SLC33A1: variants seen among roughly 807,000 people sequenced by gnomAD.
SLC33A1 encodes the protein acetyl-coenzyme A transporter 1.
A neutral mutation model predicts 50.0 loss-of-function variants in SLC33A1; 20 were observed. The observed-to-expected ratio is 0.40, with a 90% CI of 0.28 to 0.58. The LOEUF (loss-of-function observed/expected upper bound fraction) is 0.58, where lower values mean the gene tolerates loss of function less well. Among genes scored for constraint, SLC33A1 ranks in the 20% least tolerant of loss-of-function variants. The pLI is 0.44. For missense variants in SLC33A1, 476 were observed against 657.0 expected, an observed-to-expected ratio of 0.72 and a Z score of 3.01; for synonymous variants, 265 against 251.8, an observed-to-expected ratio of 1.05 and a Z score of -0.50.
intron 1 of SLC33A1, among the ~76,000 whole-genome samples, chr3:155,848,854 T>A (rs6806346): frequency 2.1e-4 from 32 of 152,292 alleles, no homozygotes; most frequent in Middle Eastern, 3.4e-3. Context: ...ATATATTCCA[T>A]CTCCATTTAT....
At chr3:155,839,300 CAAA>C (rs550171374) in intron 2 of SLC33A1, among the ~76,000 whole-genome samples, 84 of 25,716 alleles carry the variant, frequency 3.3e-3, no homozygotes, top group African/African-American at 4.9e-3. Context: ...AACTCCGCCT[CAAA>C]AAAAAAAAAA....
At chr3:155,830,486 G>T (rs1231510091) in intron 4 of SLC33A1, among the ~76,000 whole-genome samples, 1 of 151,904 alleles carries the variant, frequency 6.6e-6, no homozygotes, top group Non-Finnish European at 1.5e-5. Flanking sequence ...TGGAAAATGG[G>T]GAATAAATAA....
chr3:155,832,705 G>A (rs1442116130), intron 4 of SLC33A1, among the ~76,000 whole-genome samples: 6 of 106,028 alleles, frequency 5.7e-5, no homozygotes, highest in African/African-American at 8.0e-5. Context: ...CAGTGGGCAA[G>A]CAAGCCAGAC....
At chr3:155,852,401 C>T (rs2108014019) in intron 1 of SLC33A1, among the ~76,000 whole-genome samples, 1 of 152,332 alleles carries the variant, frequency 6.6e-6, no homozygotes, top group South Asian at 2.1e-4. Flanking sequence ...AACTTACCCT[C>T]CATTACTTAC....
At position 155,853,967 on chromosome 3, in the gene SLC33A1, T is replaced by C; in HGVS notation, c.31A>G (p.Ser11Gly). 6.5e-7 allele frequency: 1 copy of C among 1,544,096 alleles called. No individual in the cohort carries two copies. The highest frequency in any genetic ancestry group is 8.7e-7 in the Non-Finnish European group (1 of 1,150,832). Residue 11 changes from serine (S) to glycine (G), a missense_variant, in exon 1 of 6, where the codon AGC becomes GGC. Transcript: ENST00000643144. The stretch of plus-strand genomic sequence containing the variant: ...AAATTCCCTGGCCGCCGTTGCCGGC[T>C]GCTGTCCTTGTGGGAGATGGTGGGT... MSPTISHKDS[S>G]RQRRPGNFSH...
chr3:155,850,407 G>C (rs1577478915), intron 1 of SLC33A1, among the ~76,000 whole-genome samples: 1 of 152,100 alleles, frequency 6.6e-6, no homozygotes, highest in East Asian at 1.9e-4. Context: ...AGATGAGAAA[G>C]CCTCAGTGAA....
chr3:155,841,358 C>T (rs1320086245), intron 2 of SLC33A1, among the ~76,000 whole-genome samples: 1 of 152,042 alleles, frequency 6.6e-6, no homozygotes, highest in Non-Finnish European at 1.5e-5. Context: ...GGCCTTCTTT[C>T]TATCATTAAG....
rs11304200 is a variant in SLC33A1, at chr3:155,823,594, CG to C, written c.*4615del. The C allele has an allele frequency of 0.093, 14,200 of 152,288 alleles. 1,969 individuals are homozygous for C. Among genetic ancestry groups the C allele is most frequent in the African/African-American group, 0.31 (12,691 of 41,342 alleles). 9.4% of individuals were successfully genotyped at this position (152,288 alleles called of 1,614,324 possible). ...CTGAGGCAGGAGAATCGCTTGAACCCGGGAGGCGGAGGTTGCAGTGAGCAGC... is the reference window on the plus strand; with the variant it reads ...CTGAGGCAGGAGAATCGCTTGAACCCGGAGGCGGAGGTTGCAGTGAGCAGC... On this transcript the variant is annotated 3_prime_UTR_variant, in exon 6 of 6. Transcript: ENST00000643144.
At chr3:155,829,926 T>A (rs1359812766) in intron 4 of SLC33A1, 23 bp from the exon 5 acceptor site, 2 of 1,412,944 alleles carry the variant, frequency 1.4e-6, no homozygotes, top group South Asian at 2.3e-5. Context: ...GTAAAACATC[T>A]TTAGTATGAT....
At chr3:155,829,998 T>C in intron 4 of SLC33A1, 95 bp from the exon 5 acceptor site, 1 of 812,622 alleles carries the variant, frequency 1.2e-6, no homozygotes, top group South Asian at 1.5e-5. Context: ...CTGAAATTAA[T>C]TTTCATGGTA....
rs1043928517 is a variant in SLC33A1, at chr3:155,822,957, C to T, written c.*5253G>A. 6.6e-6 allele frequency: 1 copy of T among 152,152 alleles called. No homozygotes were observed. The highest frequency in any genetic ancestry group is 1.5e-5 in the Non-Finnish European group (1 of 68,032). 9.4% of individuals were successfully genotyped at this position (152,152 alleles called of 1,614,324 possible). A position where few individuals can be genotyped will look rare whatever the true frequency, so the allele number is the denominator to read the frequency against. The stretch of plus-strand genomic sequence containing the variant: ...TCAAGCAATACTCCTACCTTGGCAT[C>T]CCAAAGTGTTGGGATTAAAGGTATG... On this transcript the variant is annotated 3_prime_UTR_variant, in exon 6 of 6. Transcript: ENST00000643144.
intron 5 of SLC33A1, among the ~76,000 whole-genome samples, chr3:155,829,219 G>C (rs938767183): frequency 6.6e-6 from 1 of 152,034 alleles, no homozygotes. Flanking sequence ...CTATTTTCAC[G>C]ATGCAGCTTT....
chr3:155,851,676 C>A (rs1422330265), intron 1 of SLC33A1, among the ~76,000 whole-genome samples: 1 of 152,084 alleles, frequency 6.6e-6, no homozygotes, highest in African/African-American at 2.4e-5. Context: ...CCTCAGCCTC[C>A]CAAAGTGCTG....
At chr3:155,831,351 G>A (rs1351266407) in intron 4 of SLC33A1, among the ~76,000 whole-genome samples, 1 of 150,416 alleles carries the variant, frequency 6.6e-6, no homozygotes, top group African/African-American at 2.4e-5. Flanking sequence ...AGCTACTTGG[G>A]AGGCAGAAGC....
chr3:155,853,468 A>G lies in SLC33A1; in HGVS notation c.530T>C (p.Ile177Thr). 6.2e-7 allele frequency: 1 copy of G among 1,614,130 alleles called. No homozygotes were observed. The highest frequency in any genetic ancestry group is 8.5e-7 in the Non-Finnish European group (1 of 1,180,022). Residue 177 changes from isoleucine to threonine, a missense_variant, in exon 1 of 6, where the codon ATT (isoleucine) becomes ACT (threonine). Ile to Thr is a moderately conservative substitution (Grantham distance 89). Transcript: ENST00000643144. ...CAAAAAGAACGCCACAGTGAGAGCA[A>G]TCACGTCGGGTGTTCTGTCATCGGT... ...GNTDDRTPDVIALTVAFFLFE... is the reference protein window; with the variant it reads ...GNTDDRTPDVTALTVAFFLFE...
At chr3:155,842,999 TAA>T (rs397875293) in intron 1 of SLC33A1, 2,300 of 97,860 alleles carry the variant, frequency 0.024, 67 homozygotes, top group African/African-American at 0.081. Context: ...AGACCTTGTC[TAA>T]AAAAAAAAAA....
intron 1 of SLC33A1, among the ~76,000 whole-genome samples, chr3:155,844,457 A>AT (rs869180951): frequency 1.2e-4 from 4 of 33,586 alleles, no homozygotes; most frequent in African/African-American, 1.8e-4. Flanking sequence ...ATATATATAT[A>AT]TTTTTTTTTT....
chr3:155,833,558 T>C lies in SLC33A1; in HGVS notation c.1176A>G (p.Leu392=), dbSNP rs1192897708. ...CTACTTTAGGAGTCCACCAAACCAG[T>C]AGGGCATATTCTAACCCAAGCAATA... The part of the protein sequence containing the change: ...YRLLLGLEYA[L]LVWWTPKVEH... Residue 392 remains leucine (L), a synonymous_variant, in exon 4 of 6, where the codon CTA becomes CTG. Transcript: ENST00000643144. 2 of 1,594,992 alleles carry C rather than the reference T, an allele frequency of 1.3e-6. No individual in the cohort carries two copies. The highest frequency in any genetic ancestry group is 1.7e-6 in the Non-Finnish European group (2 of 1,162,876).
intron 2 of SLC33A1, among the ~76,000 whole-genome samples, chr3:155,834,735 G>C (rs1228833660): frequency 6.6e-6 from 1 of 152,124 alleles, no homozygotes; most frequent in African/African-American, 2.4e-5. Flanking sequence ...AGCAGTTAAA[G>C]GGATAAAGAG....
Sources: allele counts gnomAD v4.1 joint callset (sites outside exome capture counted in the v4.1 genomes callset), GRCh38; gene constraint gnomAD v4.1.1; transcripts MANE v1.5; gene names NCBI Gene and HGNC (gene_info 2026-07-23, HGNC 2026-07-21).